The following CD58 variants were observed in gnomAD, a reference collection of about 807,000 sequenced individuals.
CD58 encodes lymphocyte function-associated antigen 3.
A neutral mutation model predicts 27.6 loss-of-function variants in CD58; 14 were observed. That is an observed-to-expected ratio of 0.51 (90% CI 0.34 to 0.79). The LOEUF (loss-of-function observed/expected upper bound fraction) is 0.79, where lower values mean the gene tolerates loss of function less well. CD58 is among the 30% of genes least tolerant of loss of function. The probability of loss-of-function intolerance (pLI) is 0.02; values close to 1 mark genes in which losing one functional copy is unlikely to be tolerated. For missense variants in CD58, 268 were observed against 301.7 expected (o/e 0.89, Z 0.83); for synonymous variants, 117 against 103.8 (o/e 1.13, Z -0.77).
At chr1:116,551,941 T>C (rs1472139517) in intron 1 of CD58, among the ~76,000 whole-genome samples, 1 of 152,168 alleles carries the variant, frequency 6.6e-6, no homozygotes, top group Non-Finnish European at 1.5e-5. Flanking sequence ...GGTTTCGCCA[T>C]GTTGGCCAGG....
rs1354928285 is a variant in CD58 at position 116,546,478 on chromosome 1, TATGTGGGA to T, written c.71-1882_71-1875del. Among the ~76,000 whole-genome samples, 1 of 152,048 alleles carries T rather than the reference TATGTGGGA, an allele frequency of 6.6e-6. No individual in the cohort carries two copies. The highest frequency in any genetic ancestry group is 1.5e-5 in the Non-Finnish European group (1 of 68,004). ...GCATTATTTCCTCCACTCAACAGAG[TATGTGGGA>T]AGGCACAAGAAAAAGTACAGAATTC... is the stretch of plus-strand genomic sequence containing the variant. On this transcript the variant is annotated intron_variant, in intron 1 of 5. Coordinates refer to ENST00000369489, the MANE Select transcript of CD58 (RefSeq NM_001779.3). This position sits in a 1 kb window ranked among gnomAD's most constrained non-coding sequence, Gnocchi z 4.1.
At position 116,517,523 on chromosome 1, in the gene CD58, T is replaced by G. The variant is rs988279052; in HGVS notation, c.743+1708A>C. ...TGCTTAGCCACCCTCACTTCATCCC[T>G]GCACTGACCACAGCAACCGACTCCA... On this transcript the variant is annotated intron_variant, in intron 5 of 5. Coordinates refer to ENST00000369489, the MANE Select transcript of CD58 (RefSeq NM_001779.3). This position sits in a 1 kb window ranked among gnomAD's most constrained non-coding sequence, Gnocchi z 6.5. 1.3e-5 allele frequency among the ~76,000 whole-genome samples: 2 copies of G among 152,158 alleles called. No homozygotes were observed. Among genetic ancestry groups the G allele is most frequent in the Non-Finnish European group, 2.9e-5 (2 of 68,028 alleles).
Position 116,523,846 on chromosome 1 carries a change from C to A in CD58, c.629-1863G>T, listed in dbSNP as rs1657344430. On this transcript the variant is annotated intron_variant, in intron 3 of 5. Transcript: ENST00000369489. The surrounding 1 kb of genome is among the most constrained non-coding windows in gnomAD (Gnocchi z 4.4). ...TATATAGGAAAAGCAGCATTTGATT[C>A]TTCTCTTTCTTTATCGTTTTTCAAA... Among the ~76,000 whole-genome samples, 2 of 152,206 alleles carry A rather than the reference C, an allele frequency of 1.3e-5. No individual in the cohort carries two copies. Among genetic ancestry groups the A allele is most frequent in the Admixed American group, 1.3e-4 (2 of 15,282 alleles).
chr1:116,520,468 A>T (rs1396786044), intron 4 of CD58, among the ~76,000 whole-genome samples: 1 of 151,152 alleles, frequency 6.6e-6, no homozygotes, highest in East Asian at 1.9e-4. Context: ...TGGGGCTAAC[A>T]GTACTGACCA....
At chr1:116,556,255 GAAAAAAAAAAAAA>G (rs1158092746) in intron 1 of CD58, among the ~76,000 whole-genome samples, 1 of 29,826 alleles carries the variant, frequency 3.4e-5, no homozygotes, top group South Asian at 1.3e-3. Flanking sequence ...CTCCATCTCA[GAAAAAAAAAAAAA>G]AAAAAAAAAA....
In CD58 at chr1:116,519,240, T is replaced by C. The variant is rs201656599; in HGVS notation, c.734A>G (p.Asp245Gly). The C allele has an allele frequency of 3.3e-5, 53 of 1,612,878 alleles. No individual in the cohort carries two copies. The East Asian group carries it at 1.1e-3, about 33-fold the overall frequency. Residue 245 changes from aspartate (D) to glycine (G), a missense_variant, in exon 5 of 6, where the codon GAC becomes GGC. Asp to Gly is a moderately conservative substitution (Grantham distance 94). Coordinates refer to ENST00000369489, the MANE Select transcript of CD58 (RefSeq NM_001779.3). The surrounding 1 kb of genome is among the most constrained non-coding windows in gnomAD (Gnocchi z 4.7). ...NGILKCDRKP[D>G]RTNSN ...CCTGCAGTGTACTTACTTGGTTCTG[T>C]CTGGTTTTCTGTCACATTTCAGAAT...
chr1:116,569,362 C>T (rs2101240954), intron 1 of CD58, among the ~76,000 whole-genome samples: 1 of 152,304 alleles, frequency 6.6e-6, no homozygotes, highest in South Asian at 2.1e-4. Flanking sequence ...ATTCTTCTTC[C>T]CAGGCGCATG....
At position 116,541,323 on chromosome 1, in the gene CD58, C is replaced by T. The variant is rs1361960795; in HGVS notation, c.364+2988G>A. ...GATTCTACTTTTTCAAGGAAATCTT[C>T]TAAGAGGATACTTTGACATCTTAGC... On this transcript the variant is annotated intron_variant, in intron 2 of 5. Coordinates refer to ENST00000369489, the MANE Select transcript of CD58 (RefSeq NM_001779.3). This position sits in a 1 kb window ranked among gnomAD's most constrained non-coding sequence, Gnocchi z 5.3. Among the ~76,000 whole-genome samples, 1 of 152,198 alleles carries T rather than the reference C, an allele frequency of 6.6e-6. No homozygotes were observed. Among genetic ancestry groups the T allele is most frequent in the Non-Finnish European group, 1.5e-5 (1 of 68,028 alleles).
At chr1:116,566,390 G>A (rs1005061256) in intron 1 of CD58, among the ~76,000 whole-genome samples, 3 of 152,124 alleles carry the variant, frequency 2.0e-5, no homozygotes, top group Non-Finnish European at 4.4e-5. Flanking sequence ...GAAGTATCAG[G>A]GTGAACTCCT....
intron 1 of CD58, among the ~76,000 whole-genome samples, chr1:116,549,335 G>C (rs1658306917): frequency 6.6e-6 from 1 of 152,184 alleles, no homozygotes; most frequent in South Asian, 2.1e-4. Context: ...TTCCCTAAAA[G>C]AAGTTCTGAG....
intron 1 of CD58, among the ~76,000 whole-genome samples, chr1:116,555,482 A>C (rs952442617): frequency 6.6e-6 from 1 of 152,056 alleles, no homozygotes; most frequent in Non-Finnish European, 1.5e-5. Flanking sequence ...GGAGGGAAAA[A>C]ATTTTATCAG....
rs1272030720 is a variant in CD58 at position 116,531,854 on chromosome 1, C to T, written c.628+4111G>A. Among the ~76,000 whole-genome samples, 8 of 152,210 alleles carry T rather than the reference C, an allele frequency of 5.3e-5. No homozygotes were observed. Among genetic ancestry groups the T allele is most frequent in the Non-Finnish European group, 1.2e-4 (8 of 68,036 alleles). On this transcript the variant is annotated intron_variant, in intron 3 of 5. Transcript: ENST00000369489. This position sits in a 1 kb window ranked among gnomAD's most constrained non-coding sequence, Gnocchi z 4.5. ...ATGTGTTCTAAGGTTAGGCTGAGCA[C>T]TCTCTACAGGCCTGGTCAGCGCGGA...
intron 5 of CD58, 56 bp from the exon 6 acceptor site, chr1:116,514,878 A>C: frequency 1.5e-6 from 2 of 1,307,278 alleles, no homozygotes; most frequent in Non-Finnish European, 1.1e-6. Context: ...TGGGCTGCAG[A>C]CCAGGAGTCT....
intron 2 of CD58, among the ~76,000 whole-genome samples, chr1:116,539,128 T>C (rs965318370): frequency 2.6e-5 from 4 of 152,242 alleles, no homozygotes; most frequent in Non-Finnish European, 5.9e-5. Flanking sequence ...ATAATCAACA[T>C]ATGAATTAAC....
At chr1:116,561,827 A>G (rs1051657486) in intron 1 of CD58, among the ~76,000 whole-genome samples, 5 of 152,216 alleles carry the variant, frequency 3.3e-5, no homozygotes, top group Non-Finnish European at 7.3e-5. Context: ...TTGTTCTCCT[A>G]TTAAATGTTC....
chr1:116,564,819 T>C (rs1170257329), intron 1 of CD58, among the ~76,000 whole-genome samples: 1 of 152,216 alleles, frequency 6.6e-6, no homozygotes, highest in African/African-American at 2.4e-5. Flanking sequence ...GGTTTCAGCA[T>C]GTTGCTTAGG....
At position 116,523,969 on chromosome 1, in the gene CD58, G is replaced by A. The variant is rs999345363; in HGVS notation, c.629-1986C>T. 6.6e-6 allele frequency among the ~76,000 whole-genome samples: 1 copy of A among 152,174 alleles called. No individual in the cohort carries two copies. Among genetic ancestry groups the A allele is most frequent in the Non-Finnish European group, 1.5e-5 (1 of 68,026 alleles). On this transcript the variant is annotated intron_variant, in intron 3 of 5. Coordinates refer to ENST00000369489, the MANE Select transcript of CD58 (RefSeq NM_001779.3). This position sits in a 1 kb window ranked among gnomAD's most constrained non-coding sequence, Gnocchi z 4.4. ...AACGCATGAACTGAGCACAACTGATGTGTTTCAATCTACTGAAGTTGTTAT... is the reference window on the plus strand; with the variant it reads ...AACGCATGAACTGAGCACAACTGATATGTTTCAATCTACTGAAGTTGTTAT...
rs1269151698 is a variant in CD58, at chr1:116,532,081, C to T, written c.628+3884G>A. Reference sequence around the variant, plus strand: ...CCCAGCCCAGCCCCTCACTGGAGAACACTGCCGAATCCCAACTCCGGCAGC... The same window carrying T: ...CCCAGCCCAGCCCCTCACTGGAGAATACTGCCGAATCCCAACTCCGGCAGC... On this transcript the variant is annotated intron_variant, in intron 3 of 5. Transcript: ENST00000369489. The surrounding 1 kb of genome is among the most constrained non-coding windows in gnomAD (Gnocchi z 5.1). 6.6e-6 allele frequency among the ~76,000 whole-genome samples: 1 copy of T among 152,226 alleles called. No homozygotes were observed. Among genetic ancestry groups the T allele is most frequent in the Non-Finnish European group, 1.5e-5 (1 of 68,036 alleles).
intron 5 of CD58, chr1:116,518,906 C>T: frequency 9.4e-7 from 1 of 1,068,274 alleles, no homozygotes; most frequent in Non-Finnish European, 1.2e-6. Context: ...AAATCCCAGC[C>T]CATCACTTAC....
Sources: gnomAD v4.1 joint callset for allele counts (sites outside exome capture counted in the v4.1 genomes callset) on GRCh38, gnomAD v4.1.1 for gene constraint, Gnocchi (gnomAD v3.1) non-coding constraint, MANE v1.5 for transcripts, NCBI Gene and HGNC (gene_info 2026-07-23, HGNC 2026-07-21) for gene names.